The following ACOXL variants were observed in gnomAD, a reference collection of about 807,000 sequenced individuals.
The protein encoded by ACOXL is acyl-coenzyme A oxidase-like protein.
ACOXL carries 70 observed loss-of-function variants against 71.9 expected under a neutral mutation model. That is an observed-to-expected ratio of 0.97 (90% CI 0.80 to 1.19). The LOEUF (loss-of-function observed/expected upper bound fraction) is 1.19. ACOXL is among the 50% of genes most tolerant of loss of function. ACOXL has a pLI of 0.00. For missense variants in ACOXL, 703 were observed against 736.3 expected, an observed-to-expected ratio of 0.95 and a Z score of 0.52; for synonymous variants, 253 against 281.6, an observed-to-expected ratio of 0.90 and a Z score of 1.02.
At chr2:110,877,782 G>A (rs1332110907) in intron 10 of ACOXL, among the ~76,000 whole-genome samples, 1 of 152,242 alleles carries the variant, frequency 6.6e-6, no homozygotes, top group Non-Finnish European at 1.5e-5. Flanking sequence ...AGACAGAGAG[G>A]AAGGGAGGGA....
intron 10 of ACOXL, among the ~76,000 whole-genome samples, chr2:110,868,072 T>C (rs572612114): frequency 3.3e-5 from 5 of 152,358 alleles, no homozygotes; most frequent in African/African-American, 9.6e-5. Context: ...AAAATTGCTA[T>C]TCTTGATAGA....
At chr2:110,888,594 C>T (rs1052550819) in intron 10 of ACOXL, among the ~76,000 whole-genome samples, 5 of 152,150 alleles carry the variant, frequency 3.3e-5, no homozygotes, top group African/African-American at 4.8e-5. Context: ...GGATACTGCA[C>T]GAATGTCCTT....
chr2:110,820,777 G>A (rs72832845), intron 9 of ACOXL, among the ~76,000 whole-genome samples: 10,756 of 152,266 alleles, frequency 0.071, 538 homozygotes, highest in South Asian at 0.14. Context: ...TTAGATGGTT[G>A]GGTTGGCCCA....
At chr2:110,906,329 G>A (rs2059442594) in intron 10 of ACOXL, among the ~76,000 whole-genome samples, 1 of 151,874 alleles carries the variant, frequency 6.6e-6, no homozygotes, top group Non-Finnish European at 1.5e-5. Flanking sequence ...CCTGAGTTCA[G>A]GAATTCAAGA....
intron 10 of ACOXL, among the ~76,000 whole-genome samples, chr2:110,842,370 A>G (rs1691280365): frequency 6.6e-6 from 1 of 152,198 alleles, no homozygotes; most frequent in Non-Finnish European, 1.5e-5. Context: ...GAGGCTCAAG[A>G]TCATGGAGGG....
At chr2:111,030,443 C>T (rs2065212345) in intron 14 of ACOXL, among the ~76,000 whole-genome samples, 1 of 151,388 alleles carries the variant, frequency 6.6e-6, no homozygotes, top group Non-Finnish European at 1.5e-5. Context: ...GGTGTGGATC[C>T]CGAGGCACCC....
intron 16 of ACOXL, among the ~76,000 whole-genome samples, chr2:111,062,885 T>TATTATTTACTTACTTC (rs2066887417): frequency 6.6e-6 from 1 of 152,014 alleles, no homozygotes; most frequent in Admixed American, 6.5e-5. Flanking sequence ...GCTAGATCTT[T>TATTATTTACTTACTTC]TAAAAGATCA....
chr2:110,742,160 G>T (rs1479263597), intron 1 of ACOXL, among the ~76,000 whole-genome samples: 1 of 152,178 alleles, frequency 6.6e-6, no homozygotes, highest in Non-Finnish European at 1.5e-5. Context: ...ACAGTATGTG[G>T]ATTTAAACAC....
intron 12 of ACOXL, among the ~76,000 whole-genome samples, chr2:110,964,568 G>A (rs572664567): frequency 1.3e-5 from 2 of 152,264 alleles, no homozygotes; most frequent in South Asian, 4.1e-4. Flanking sequence ...AAACCAAGAT[G>A]GCACAGCCTA....
rs1314528443 is a variant in ACOXL, at chr2:110,967,231, A to C, written c.1060-19877A>C. On this transcript the variant is annotated intron_variant, in intron 12 of 17. Coordinates refer to ENST00000439055, the MANE Select transcript of ACOXL (RefSeq NM_001142807.4). ...ACCAAATTCAAATGATAGAATTAAAAATATAATGACTGAATTAACAAACTT... is the reference window on the plus strand; with the variant it reads ...ACCAAATTCAAATGATAGAATTAAACATATAATGACTGAATTAACAAACTT... Among the ~76,000 whole-genome samples, 3 of 152,256 alleles carry C rather than the reference A, an allele frequency of 2.0e-5. No individual in the cohort carries two copies. In the East Asian group the frequency reaches 5.8e-4, roughly 29 times the overall value.
At chr2:110,760,004 T>C (rs1680180330) in intron 1 of ACOXL, among the ~76,000 whole-genome samples, 1 of 152,118 alleles carries the variant, frequency 6.6e-6, no homozygotes, top group African/African-American at 2.4e-5. Flanking sequence ...TAACTGGTTT[T>C]TAATGTATCT....
intron 16 of ACOXL, among the ~76,000 whole-genome samples, chr2:111,067,197 CA>C (rs898054797): frequency 6.6e-6 from 1 of 151,882 alleles, no homozygotes; most frequent in Non-Finnish European, 1.5e-5. Flanking sequence ...GAAGTAGAAC[CA>C]AAAAACCCCA....
At chr2:110,857,720 GATTA>G (rs573579234) in intron 10 of ACOXL, among the ~76,000 whole-genome samples, 185 of 152,062 alleles carry the variant, frequency 1.2e-3, no homozygotes, top group African/African-American at 4.4e-3. Flanking sequence ...AGTTTTTGTT[GATTA>G]ATTGATTGAT....
intron 2 of ACOXL, among the ~76,000 whole-genome samples, chr2:110,777,703 G>C (rs1441388369): frequency 6.6e-6 from 1 of 152,202 alleles, no homozygotes; most frequent in African/African-American, 2.4e-5. Flanking sequence ...GCTCAGACAG[G>C]GGCCATCAGC....
At chr2:111,068,264 G>A (rs372024449) in intron 16 of ACOXL, among the ~76,000 whole-genome samples, 3 of 152,220 alleles carry the variant, frequency 2.0e-5, no homozygotes, top group East Asian at 3.8e-4. Context: ...AACGGTGTGC[G>A]TGCTGGAGCT....
chr2:110,745,968 G>A (rs1308461825), intron 1 of ACOXL, among the ~76,000 whole-genome samples: 1 of 152,148 alleles, frequency 6.6e-6, no homozygotes, highest in Non-Finnish European at 1.5e-5. Context: ...CTGTTAGTGT[G>A]TATCATTTTT....
At chr2:110,754,872 A>G (rs1379973191) in intron 1 of ACOXL, among the ~76,000 whole-genome samples, 1 of 152,226 alleles carries the variant, frequency 6.6e-6, no homozygotes, top group Non-Finnish European at 1.5e-5. Context: ...TTGCACATGA[A>G]AAGTCTATGT....
chr2:110,857,337 C>T (rs1211051057), intron 10 of ACOXL, among the ~76,000 whole-genome samples: 4 of 152,188 alleles, frequency 2.6e-5, no homozygotes, highest in African/African-American at 7.2e-5. Context: ...AAGAGACTTT[C>T]CTTCATCTCT....
At chr2:111,112,715 T>C (rs1370288742) in intron 17 of ACOXL, among the ~76,000 whole-genome samples, 1 of 152,210 alleles carries the variant, frequency 6.6e-6, no homozygotes, top group East Asian at 1.9e-4. Flanking sequence ...GCTGCTCTTT[T>C]GAAGGCACTT....
Sources: gnomAD v4.1 joint callset for allele counts (sites outside exome capture counted in the v4.1 genomes callset) on GRCh38, gnomAD v4.1.1 for gene constraint, MANE v1.5 for transcripts, NCBI Gene and HGNC (gene_info 2026-07-23, HGNC 2026-07-21) for gene names.